The following TMEM116 variants were observed in gnomAD, a reference collection of about 807,000 sequenced individuals.
The protein encoded by TMEM116 is transmembrane protein 116.
A neutral mutation model predicts 44.3 loss-of-function variants in TMEM116; 38 were observed. The ratio of observed to expected loss-of-function variants is 0.86; its 90% CI spans 0.66 to 1.12. TMEM116 has a LOEUF of 1.12. Ranked by LOEUF, TMEM116 falls within the 50% of genes most tolerant of loss-of-function variation. The pLI is 0.00. For missense variants in TMEM116, 354 were observed against 401.7 expected, an observed-to-expected ratio of 0.88 and a Z score of 1.01; for synonymous variants, 132 against 144.8, an observed-to-expected ratio of 0.91 and a Z score of 0.64.
rs1187570880 is a variant in TMEM116 at position 111,933,972 on chromosome 12, A to G, written c.647T>C (p.Leu216Pro). Residue 216 changes from leucine (L) to proline (P), a missense_variant, in exon 9 of 11, where the codon CTG (leucine) becomes CCG (proline). By Grantham distance (98) the Leu-to-Pro change is moderately conservative (BLOSUM62 -3). Transcript: ENST00000552374. ...AATCACTGCCCACTGTTCACTCCCCAGAAAGCCAGTTGACTTCACAAACTT... is the reference window on the plus strand; with the variant it reads ...AATCACTGCCCACTGTTCACTCCCCGGAAAGCCAGTTGACTTCACAAACTT... ...YKKFVKSTGF[L>P]GSEQWAVIHI... 6.2e-7 allele frequency: 1 copy of G among 1,614,184 alleles called. No individual in the cohort carries two copies. Among genetic ancestry groups the G allele is most frequent in the Admixed American group, 1.7e-5 (1 of 60,020 alleles).
chr12:111,967,512 ATATAT>A (rs1351380924), intron 4 of TMEM116, among the ~76,000 whole-genome samples: 2 of 151,996 alleles, frequency 1.3e-5, no homozygotes, highest in Non-Finnish European at 2.9e-5. Flanking sequence ...TAATTTAGAT[ATATAT>A]TATAAGTTAT....
In TMEM116 at chr12:112,005,284, C is replaced by T; in HGVS notation, c.-14G>A. ...CAGAGTAGCCATGACAAATTGTATC[C>T]ACTGTATTGCAGGAAGAACCTAAGC... On this transcript the variant is annotated 5_prime_UTR_variant, in exon 2 of 11. Coordinates refer to ENST00000552374, the MANE Select transcript of TMEM116 (RefSeq NM_001193531.2). 7.5e-7 allele frequency: 1 copy of T among 1,327,030 alleles called. No individual in the cohort carries two copies. The highest frequency in any genetic ancestry group is 9.6e-7 in the Non-Finnish European group (1 of 1,041,656). 82.2% of individuals were successfully genotyped at this position (1,327,030 alleles called of 1,614,324 possible).
intron 4 of TMEM116, among the ~76,000 whole-genome samples, chr12:111,970,566 G>A (rs1019949323): frequency 9.3e-5 from 14 of 150,604 alleles, no homozygotes; most frequent in African/African-American, 3.4e-4. Flanking sequence ...ATAGCATTAA[G>A]GCACTTCATA....
intron 3 of TMEM116, among the ~76,000 whole-genome samples, 152 bp from the exon 4 acceptor site, chr12:111,992,041 A>G (rs1050323391): frequency 2.6e-5 from 4 of 152,196 alleles, no homozygotes; most frequent in Non-Finnish European, 4.4e-5. Context: ...ATGCAAGGGA[A>G]GACTACAGAT....
intron 1 of TMEM116, among the ~76,000 whole-genome samples, chr12:112,008,319 A>C (rs1457624357): frequency 6.6e-6 from 1 of 152,116 alleles, no homozygotes; most frequent in Non-Finnish European, 1.5e-5. Flanking sequence ...CGCCTCTACT[A>C]AAAATACAAA....
At chr12:111,961,959 A>G (rs2074620340) in intron 4 of TMEM116, among the ~76,000 whole-genome samples, 1 of 152,250 alleles carries the variant, frequency 6.6e-6, no homozygotes, top group African/African-American at 2.4e-5. Flanking sequence ...GCTGATAAGC[A>G]ACTTAAGCAA....
chr12:111,956,361 T>C (rs750143757), intron 4 of TMEM116, among the ~76,000 whole-genome samples: 11 of 152,198 alleles, frequency 7.2e-5, no homozygotes, highest in Non-Finnish European at 1.3e-4. Flanking sequence ...TTTAGCATCC[T>C]AAACCTGGAA....
chr12:111,994,786 T>C (rs1489379899), intron 3 of TMEM116, among the ~76,000 whole-genome samples: 1 of 152,154 alleles, frequency 6.6e-6, no homozygotes, highest in Non-Finnish European at 1.5e-5. Context: ...AGAAACAGGA[T>C]GTGAAACAAC....
rs2072451501 is a variant in TMEM116, at chr12:111,939,255, C to T, written c.316-1045G>A. The stretch of plus-strand genomic sequence containing the variant: ...GGATCACGAGGTCAAGTGATTGAGA[C>T]CATCTGGGCCAACATAGTGAAACCC... On this transcript the variant is annotated intron_variant, in intron 5 of 10. Transcript: ENST00000552374. 5.9e-5 allele frequency among the ~76,000 whole-genome samples: 9 copies of T among 151,932 alleles called. No individual in the cohort carries two copies. The South Asian group carries it at 1.7e-3, about 28-fold the overall frequency.
chr12:112,005,807 T>C lies in TMEM116; in HGVS notation c.-33-504A>G, dbSNP rs533257114. On this transcript the variant is annotated intron_variant, in intron 1 of 10. Coordinates refer to ENST00000552374, the MANE Select transcript of TMEM116 (RefSeq NM_001193531.2). ...ACAAATACTAGAGTTCACTGATAGG[T>C]AGAAAGAGGAAAGATAGACTAGTAA... 1.5e-5 allele frequency: 13 copies of C among 879,054 alleles called. No individual in the cohort carries two copies. The South Asian group carries it at 4.7e-4, about 32-fold the overall frequency. The allele number at this position is 879,054 out of a possible 1,614,324, so 54.5% of individuals were successfully genotyped here.
At chr12:111,970,231 A>T (rs2075250394) in intron 4 of TMEM116, among the ~76,000 whole-genome samples, 1 of 151,670 alleles carries the variant, frequency 6.6e-6, no homozygotes, top group Non-Finnish European at 1.5e-5. Flanking sequence ...GTAAGCCAAG[A>T]TCATGCCATG....
chr12:112,002,798 A>T (rs988094840), intron 3 of TMEM116, among the ~76,000 whole-genome samples: 4 of 152,178 alleles, frequency 2.6e-5, no homozygotes, highest in Admixed American at 6.5e-5. Flanking sequence ...TTTATTATTA[A>T]AGTGGGCCCA....
intron 5 of TMEM116, among the ~76,000 whole-genome samples, chr12:111,940,529 A>ATATATATATACACACATATATATATGTG (rs1230033138): frequency 2.5e-5 from 3 of 119,154 alleles, no homozygotes; most frequent in Admixed American, 1.7e-4. Context: ...ATGTGTATAT[A>ATATATATATACACACATATATATATGTG]TATATATATA....
intron 5 of TMEM116, among the ~76,000 whole-genome samples, chr12:111,940,474 T>TACACACACAC (rs199977734): frequency 3.2e-3 from 346 of 106,972 alleles, no homozygotes; most frequent in Non-Finnish European, 4.0e-3. Flanking sequence ...CATATATATA[T>TACACACACAC]ATACATACAC....
chr12:111,998,320 C>T (rs1186605202), intron 3 of TMEM116, among the ~76,000 whole-genome samples: 1 of 152,190 alleles, frequency 6.6e-6, no homozygotes, highest in Non-Finnish European at 1.5e-5. Context: ...ATTTTAGTAG[C>T]TGGGCTTGTG....
chr12:111,997,826 A>G (rs781233448), intron 3 of TMEM116, among the ~76,000 whole-genome samples: 2 of 152,254 alleles, frequency 1.3e-5, no homozygotes, highest in South Asian at 2.1e-4. Context: ...AAAACATTTA[A>G]AAGTATAAAG....
At chr12:111,969,884 A>AT (rs1020836452) in intron 4 of TMEM116, among the ~76,000 whole-genome samples, 1 of 151,956 alleles carries the variant, frequency 6.6e-6, no homozygotes, top group Non-Finnish European at 1.5e-5. Flanking sequence ...CTGGCCTGAG[A>AT]TTTTTTTTAA....
intron 4 of TMEM116, among the ~76,000 whole-genome samples, chr12:111,972,093 A>C (rs1253244237): frequency 6.6e-6 from 1 of 150,542 alleles, no homozygotes; most frequent in Non-Finnish European, 1.5e-5. Flanking sequence ...AAAAAAAAAA[A>C]AAACCCACCA....
At chr12:111,957,796 C>G (rs186583045) in intron 4 of TMEM116, among the ~76,000 whole-genome samples, 1 of 152,188 alleles carries the variant, frequency 6.6e-6, no homozygotes, top group Admixed American at 6.5e-5. Flanking sequence ...TCATTGAGAA[C>G]GGGCCATGAT....
Sources: allele counts gnomAD v4.1 joint callset (sites outside exome capture counted in the v4.1 genomes callset), GRCh38; gene constraint gnomAD v4.1.1; transcripts MANE v1.5; gene names NCBI Gene and HGNC (gene_info 2026-07-23, HGNC 2026-07-21).